The following SPATA7 variants were observed in gnomAD, a reference collection of about 807,000 sequenced individuals.
SPATA7 encodes the protein spermatogenesis associated 7, also known as spermatogenesis-associated protein 7.
In SPATA7, 43 loss-of-function variants were observed where a neutral mutation model predicts 51.8. The observed-to-expected ratio is 0.83, with a 90% CI of 0.65 to 1.07. The LOEUF (loss-of-function observed/expected upper bound fraction) is 1.07. Among genes scored for constraint, SPATA7 ranks in the 50% least tolerant of loss-of-function variants. SPATA7 has a pLI of 0.00. For missense variants in SPATA7, 683 were observed against 701.3 expected, an observed-to-expected ratio of 0.97 and a Z score of 0.30; for synonymous variants, 230 against 252.8, an observed-to-expected ratio of 0.91 and a Z score of 0.86.
In SPATA7 at chr14:88,405,989, T is replaced by TG. The variant is rs573853094; in HGVS notation, c.238+9787dup. ...CCTTTTTGCTACATAAACCAAATTG[T>TG]GATGGCTTAGAGTAATTGCAAATAT... On this transcript the variant is annotated intron_variant, in intron 4 of 11. Coordinates refer to ENST00000393545, the MANE Select transcript of SPATA7 (RefSeq NM_018418.5). Among the ~76,000 whole-genome samples the TG allele has an allele frequency of 1.3e-3, 200 of 152,364 alleles. 1 individual carries two copies. The South Asian group carries it at 0.02, about 15-fold the overall frequency.
intron 5 of SPATA7, among the ~76,000 whole-genome samples, chr14:88,420,030 C>A (rs1270770186): frequency 6.6e-6 from 1 of 151,962 alleles, no homozygotes; most frequent in Non-Finnish European, 1.5e-5. Context: ...TGTTATGTGG[C>A]AAAAGTGAAG....
chr14:88,408,751 A>G (rs1348802831), intron 4 of SPATA7, among the ~76,000 whole-genome samples: 1 of 152,172 alleles, frequency 6.6e-6, no homozygotes, highest in African/African-American at 2.4e-5. Flanking sequence ...GGTTTGTCAT[A>G]AATAGCTCTT....
intron 3 of SPATA7, among the ~76,000 whole-genome samples, chr14:88,444,363 C>T (rs534657668): frequency 1.4e-4 from 22 of 151,984 alleles, no homozygotes; most frequent in Admixed American, 7.2e-4. Flanking sequence ...TGTTTGAGTT[C>T]GTTGTAGATT....
downstream of SPATA7, among the ~76,000 whole-genome samples, chr14:88,457,011 G>A (rs1004270696): frequency 3.9e-5 from 6 of 152,080 alleles, no homozygotes; most frequent in South Asian, 2.1e-4. Context: ...TTTTTGTCAG[G>A]TTTGTCAAAG....
At chr14:88,466,021 CTGTT>C (rs1247764318) in intron 4 of SPATA7, 11 of 151,264 alleles carry the variant, frequency 7.3e-5, no homozygotes, top group Non-Finnish European at 1.2e-4. Flanking sequence ...CTATGTCAAA[CTGTT>C]TGTTTAAACC....
At chr14:88,417,925 A>G in intron 5 of SPATA7, among the ~76,000 whole-genome samples, 1 of 152,152 alleles carries the variant, frequency 6.6e-6, no homozygotes, top group East Asian at 1.9e-4. Flanking sequence ...TCAACATTAA[A>G]ATTGTCTAGG....
At chr14:88,454,426 T>C (rs1192151045) in intron 3 of SPATA7, among the ~76,000 whole-genome samples, 2 of 152,204 alleles carry the variant, frequency 1.3e-5, no homozygotes. Flanking sequence ...GTAAAATTTA[T>C]AACTTCAGGG....
intron 3 of SPATA7, among the ~76,000 whole-genome samples, chr14:88,395,181 A>G (rs1200414745): frequency 3.9e-5 from 6 of 152,128 alleles, no homozygotes; most frequent in Non-Finnish European, 7.4e-5. Context: ...AATGTTAAAA[A>G]TCTTAAAAAC....
rs563463833 is a variant in SPATA7 at position 88,451,796 on chromosome 14, G to A, written c.178-3264G>A. ...TGCTTCGGCCTCCCAAAGTGTTGGGGTTATAGGTGTGAGCCGCTACACCTG... is the reference window on the plus strand; with the variant it reads ...TGCTTCGGCCTCCCAAAGTGTTGGGATTATAGGTGTGAGCCGCTACACCTG... On this transcript the variant is annotated intron_variant, in intron 3 of 3. Transcript: ENST00000554802. Among the ~76,000 whole-genome samples, 163 of 152,212 alleles carry A rather than the reference G, an allele frequency of 1.1e-3. 3 individuals carry two copies. The East Asian group carries it at 0.023, about 22-fold the overall frequency.
In SPATA7 at chr14:88,385,696, C is replaced by T. The variant is rs2075547862; in HGVS notation, c.-123C>T. The T allele has an allele frequency of 3.1e-6, 3 of 967,350 alleles. No individual in the cohort carries two copies. Among genetic ancestry groups the T allele is most frequent in the Non-Finnish European group, 4.9e-6 (3 of 618,230 alleles). The allele number at this position is 967,350 out of a possible 1,614,324, so 59.9% of individuals were successfully genotyped here. The stretch of plus-strand genomic sequence containing the variant: ...TTAGCAACGGCCTGGCAACGGTTTC[C>T]CTGCTGCTGCAGCCCCCGTCGGCTC... On this transcript the variant is annotated 5_prime_UTR_variant, in exon 1 of 12. Coordinates refer to ENST00000393545, the MANE Select transcript of SPATA7 (RefSeq NM_018418.5).
At position 88,393,467 on chromosome 14, in the gene SPATA7, A is replaced by G. The variant is rs2075797560; in HGVS notation, c.169A>G (p.Asn57Asp). ...LVKNHMAVHY[N>D]KILSAKAAVD... is the part of the protein sequence containing the mutation. ...CAAGAATCACATGGCTGTTCACTAT[A>G]ATAAAATCCTTTCAGCCAAAGGTAA... Residue 57 changes from asparagine to aspartate, a missense_variant, in exon 3 of 12, where the codon AAT becomes GAT. Asn to Asp is a conservative substitution (Grantham distance 23). Coordinates refer to ENST00000393545, the MANE Select transcript of SPATA7 (RefSeq NM_018418.5). 3 of 1,601,718 alleles carry G rather than the reference A, an allele frequency of 1.9e-6. No individual in the cohort carries two copies. The highest frequency in any genetic ancestry group is 2.6e-6 in the Non-Finnish European group (3 of 1,172,990).
At chr14:88,460,279 TC>T (rs2077309269), downstream of SPATA7, among the ~76,000 whole-genome samples, 1 of 152,214 alleles carries the variant, frequency 6.6e-6, no homozygotes, top group Admixed American at 6.5e-5. Context: ...GGGGAAGTTC[TC>T]CTGGATAATA....
intron 3 of SPATA7, among the ~76,000 whole-genome samples, chr14:88,444,134 C>T (rs929861638): frequency 6.6e-6 from 1 of 151,946 alleles, no homozygotes; most frequent in African/African-American, 2.4e-5. Flanking sequence ...TCCACATCCT[C>T]TCCAGCACCT....
intron 3 of SPATA7, among the ~76,000 whole-genome samples, chr14:88,394,898 C>G (rs1447127755): frequency 6.6e-6 from 1 of 152,064 alleles, no homozygotes; most frequent in African/African-American, 2.4e-5. Flanking sequence ...CTTATTACTT[C>G]CCATCTGTAT....
chr14:88,392,299 A>AAT (rs1412845474), intron 2 of SPATA7, among the ~76,000 whole-genome samples: 2 of 152,042 alleles, frequency 1.3e-5, no homozygotes, highest in Admixed American at 6.6e-5. Flanking sequence ...TCTTTTAAAG[A>AAT]ATATATATAT....
downstream of SPATA7, among the ~76,000 whole-genome samples, chr14:88,442,141 G>A (rs1239624212): frequency 6.6e-6 from 1 of 151,672 alleles, no homozygotes; most frequent in Non-Finnish European, 1.5e-5. Flanking sequence ...ACATTTCTGG[G>A]TTGTTTATTC....
chr14:88,445,998 C>T (rs1165997569), intron 3 of SPATA7, among the ~76,000 whole-genome samples: 1 of 152,208 alleles, frequency 6.6e-6, no homozygotes, highest in Non-Finnish European at 1.5e-5. Context: ...ATGCTGGCCT[C>T]ATAAAATGAG....
chr14:88,424,046 G>A (rs1231799829), intron 5 of SPATA7, among the ~76,000 whole-genome samples: 1 of 152,178 alleles, frequency 6.6e-6, no homozygotes, highest in Admixed American at 6.5e-5. Context: ...CAGAAACAGT[G>A]CACAACAAAC....
chr14:88,414,292 T>C (rs1304236805), intron 4 of SPATA7, among the ~76,000 whole-genome samples: 1 of 152,108 alleles, frequency 6.6e-6, no homozygotes, highest in Non-Finnish European at 1.5e-5. Context: ...ATTGGGAAAT[T>C]GTATGTTTCC....
Sources: allele counts gnomAD v4.1 joint callset (sites outside exome capture counted in the v4.1 genomes callset), GRCh38; gene constraint gnomAD v4.1.1; transcripts MANE v1.5; gene names NCBI Gene and HGNC (gene_info 2026-07-23, HGNC 2026-07-21).